Variants in TTC28 observed in about 807,000 individuals in gnomAD.
The protein encoded by TTC28 is tetratricopeptide repeat protein 28.
Under a neutral mutation model 198.0 loss-of-function variants are expected in TTC28, and 61 were observed. The observed-to-expected ratio is 0.31, with a 90% confidence interval of 0.25 to 0.38. TTC28 has a LOEUF of 0.38. Among genes scored for constraint, TTC28 ranks in the 10% least tolerant of loss-of-function variants. The pLI is 1.00. For synonymous variants in TTC28, 1,171 were observed against 1,297.8 expected (o/e 0.90, Z 2.10); for missense variants, 2,678 against 3,164.0 (o/e 0.85, Z 3.69).
intron 12 of TTC28, among the ~76,000 whole-genome samples, chr22:28,069,584 G>C (rs1455498288): frequency 6.6e-6 from 1 of 152,080 alleles, no homozygotes; most frequent in African/African-American, 2.4e-5. Flanking sequence ...AATAAAAATT[G>C]TATCTATCTA....
chr22:28,571,918 C>T (rs2050066248), intron 2 of TTC28, among the ~76,000 whole-genome samples: 1 of 146,092 alleles, frequency 6.8e-6, no homozygotes, highest in Non-Finnish European at 1.5e-5. Context: ...CATTGCACTC[C>T]AGCCTGGGCA....
chr22:28,250,697 T>C (rs1930452304), intron 5 of TTC28, among the ~76,000 whole-genome samples: 1 of 152,214 alleles, frequency 6.6e-6, no homozygotes, highest in Admixed American at 6.5e-5. Context: ...AGGAAAAAAG[T>C]CTGTACATAT....
At chr22:28,533,483 T>TCA (rs917089895) in intron 2 of TTC28, among the ~76,000 whole-genome samples, 13 of 152,184 alleles carry the variant, frequency 8.5e-5, no homozygotes, top group African/African-American at 3.1e-4. Flanking sequence ...GCCATACTGC[T>TCA]CAAGGTAATT....
At chr22:28,394,176 C>T (rs1415967166) in intron 2 of TTC28, among the ~76,000 whole-genome samples, 1 of 152,202 alleles carries the variant, frequency 6.6e-6, no homozygotes, top group Admixed American at 6.5e-5. Context: ...CCCTTGTGTT[C>T]TGGGTACCAT....
At chr22:28,101,819 T>C (rs1365620514) in intron 8 of TTC28, among the ~76,000 whole-genome samples, 2 of 112,836 alleles carry the variant, frequency 1.8e-5, no homozygotes, top group African/African-American at 6.9e-5. Flanking sequence ...AAAAGAATAC[T>C]AACAACACAG....
intron 1 of TTC28, among the ~76,000 whole-genome samples, chr22:28,672,100 C>T (rs763043073): frequency 2.0e-5 from 3 of 152,092 alleles, no homozygotes; most frequent in Non-Finnish European, 4.4e-5. Context: ...GATCTCAGCT[C>T]ACTGCAACAT....
At chr22:28,414,153 A>G (rs996648152) in intron 2 of TTC28, among the ~76,000 whole-genome samples, 2 of 152,238 alleles carry the variant, frequency 1.3e-5, no homozygotes, top group African/African-American at 4.8e-5. Context: ...CTTCCAAGTA[A>G]AATGAGTAAG....
chr22:28,010,194 T>G (rs1938092603), intron 14 of TTC28, among the ~76,000 whole-genome samples: 1 of 152,186 alleles, frequency 6.6e-6, no homozygotes, highest in Admixed American at 6.5e-5. Context: ...AGCATGTCAT[T>G]TTTTGAAATG....
intron 2 of TTC28, among the ~76,000 whole-genome samples, chr22:28,370,159 C>T (rs1166823928): frequency 5.3e-5 from 8 of 152,174 alleles, no homozygotes; most frequent in South Asian, 2.1e-4. Context: ...TTTCCCAAGA[C>T]GCCTTACTCC....
chr22:28,482,579 CAT>C (rs2146325879), intron 2 of TTC28, among the ~76,000 whole-genome samples: 2 of 152,248 alleles, frequency 1.3e-5, no homozygotes, highest in South Asian at 4.1e-4. Flanking sequence ...AAGTAAAACT[CAT>C]ATAACATAAC....
intron 12 of TTC28, among the ~76,000 whole-genome samples, chr22:28,093,219 T>A (rs1023634219): frequency 1.3e-5 from 2 of 152,246 alleles, no homozygotes; most frequent in Admixed American, 1.3e-4. Flanking sequence ...TCAGTCCAGC[T>A]GCTGGCAGCA....
intron 2 of TTC28, among the ~76,000 whole-genome samples, chr22:28,421,820 A>G (rs1223427044): frequency 6.6e-6 from 1 of 151,956 alleles, no homozygotes; most frequent in Non-Finnish European, 1.5e-5. Flanking sequence ...CTGCAGTCCC[A>G]GATACTTGGG....
At chr22:28,370,728 G>A (rs1456029536) in intron 2 of TTC28, among the ~76,000 whole-genome samples, 1 of 152,140 alleles carries the variant, frequency 6.6e-6, no homozygotes, top group East Asian at 1.9e-4. Context: ...AGAGACAGAT[G>A]GAGACACCCA....
chr22:28,304,393 G>T (rs1018311257), intron 3 of TTC28, among the ~76,000 whole-genome samples: 3 of 152,092 alleles, frequency 2.0e-5, no homozygotes, highest in Admixed American at 2.0e-4. Flanking sequence ...ACAATACTGT[G>T]CAATGTAACA....
At chr22:28,167,642 T>A (rs1003389300) in intron 5 of TTC28, among the ~76,000 whole-genome samples, 1 of 152,188 alleles carries the variant, frequency 6.6e-6, no homozygotes, top group African/African-American at 2.4e-5. Context: ...AAAATCTCTC[T>A]ATAAATTAGG....
At chr22:28,620,210 T>C (rs1348570093) in intron 2 of TTC28, among the ~76,000 whole-genome samples, 1 of 151,758 alleles carries the variant, frequency 6.6e-6, no homozygotes, top group South Asian at 2.1e-4. Flanking sequence ...ATTAGCTGGG[T>C]ATGGTGGTGC....
chr22:28,066,280 G>A (rs1313095855), intron 12 of TTC28, among the ~76,000 whole-genome samples: 3 of 146,570 alleles, frequency 2.0e-5, no homozygotes, highest in Non-Finnish European at 4.4e-5. Context: ...GTTACCGTGT[G>A]TGTGTGTGTG....
chr22:28,449,721 G>A (rs1169040608), intron 2 of TTC28, among the ~76,000 whole-genome samples: 1 of 152,204 alleles, frequency 6.6e-6, no homozygotes, highest in Admixed American at 6.5e-5. Context: ...AAGTATTGTG[G>A]AGGATGGAAA....
chr22:28,161,643 G>T (rs902963819), intron 6 of TTC28, among the ~76,000 whole-genome samples: 1 of 151,306 alleles, frequency 6.6e-6, no homozygotes, highest in Non-Finnish European at 1.5e-5. Context: ...AATAGATGGA[G>T]ACCCTGTCTC....
Sources: allele counts gnomAD v4.1 joint callset (sites outside exome capture counted in the v4.1 genomes callset), GRCh38; gene constraint gnomAD v4.1.1; transcripts MANE v1.5; gene names NCBI Gene and HGNC (gene_info 2026-07-23, HGNC 2026-07-21).